Variants in AZIN2 observed in about 807,000 individuals in gnomAD.
AZIN2 encodes the protein antizyme inhibitor 2.
A neutral mutation model predicts 47.8 loss-of-function variants in AZIN2; 28 were observed. The observed-to-expected ratio is 0.59, with a 90% confidence interval of 0.43 to 0.80. The LOEUF (loss-of-function observed/expected upper bound fraction) is 0.80. AZIN2 is among the 30% of genes least tolerant of loss of function. The pLI, the probability that AZIN2 is intolerant of heterozygous loss-of-function variation, is 0.00. For synonymous variants in AZIN2, 221 were observed against 239.4 expected, an observed-to-expected ratio of 0.92 and a Z score of 0.71; for missense variants, 535 against 582.5, an observed-to-expected ratio of 0.92 and a Z score of 0.84.
chr1:33,159,288 TTTATA>T, the AZIN2 span, among the ~76,000 whole-genome samples: 2 of 152,056 alleles, frequency 1.3e-5, no homozygotes, highest in African/African-American at 2.4e-5. This position sits in a 1 kb window ranked among gnomAD's most constrained non-coding sequence, Gnocchi z 4.2. Context: ...ATGTAATATA[TTTATA>T]TTATGATTGT....
chr1:33,161,280 CAG>C, the AZIN2 span, among the ~76,000 whole-genome samples: 1 of 152,128 alleles, frequency 6.6e-6, no homozygotes, highest in Non-Finnish European at 1.5e-5. This position sits in a 1 kb window ranked among gnomAD's most constrained non-coding sequence, Gnocchi z 4.3. Context: ...AGTTGGGGGT[CAG>C]GGGAACAGGC....
chr1:33,090,233 T>C (rs1172702205), intron 5 of AZIN2, among the ~76,000 whole-genome samples: 1 of 152,242 alleles, frequency 6.6e-6, no homozygotes, highest in Non-Finnish European at 1.5e-5. Flanking sequence ...TCGCAAAACC[T>C]AAAATATTTA....
the AZIN2 span, chr1:33,159,828 C>T: frequency 9.9e-6 from 16 of 1,613,590 alleles, no homozygotes; most frequent in East Asian, 2.2e-5. The surrounding 1 kb of genome is among the most constrained non-coding windows in gnomAD (Gnocchi z 4.2). Context: ...TGTCGGTCAG[C>T]GTGCGGGCCG....
At chr1:33,086,681 C>T (rs556862875) in intron 5 of AZIN2, among the ~76,000 whole-genome samples, 23 of 152,356 alleles carry the variant, frequency 1.5e-4, no homozygotes, top group African/African-American at 4.8e-4. Flanking sequence ...TGCTCGGGGA[C>T]TCTGGTCTAC....
the AZIN2 span, among the ~76,000 whole-genome samples, chr1:33,149,930 C>T: frequency 2.6e-5 from 4 of 152,192 alleles, no homozygotes; most frequent in Non-Finnish European, 5.9e-5. Context: ...GGCACATTTC[C>T]GGAAAGACTC....
the AZIN2 span, among the ~76,000 whole-genome samples, chr1:33,138,844 A>G: frequency 1.3e-5 from 2 of 152,138 alleles, no homozygotes; most frequent in African/African-American, 4.8e-5. Context: ...CAATAATTTC[A>G]TTTGTAGGAG....
At chr1:33,155,092 C>G in the AZIN2 span, among the ~76,000 whole-genome samples, 2 of 138,604 alleles carry the variant, frequency 1.4e-5, no homozygotes, top group African/African-American at 5.2e-5. Context: ...GACTCCATCT[C>G]AAAAGGTCTC....
At chr1:33,130,747 T>G in the AZIN2 span, among the ~76,000 whole-genome samples, 1 of 152,228 alleles carries the variant, frequency 6.6e-6, no homozygotes, top group African/African-American at 2.4e-5. Context: ...AATAGATAAC[T>G]AATACAGAGG....
chr1:33,093,498 TC>T, intron 7 of AZIN2, 82 bp downstream of exon 7: 1 of 1,514,742 alleles, frequency 6.6e-7, no homozygotes, highest in Non-Finnish European at 8.9e-7. Context: ...TATGAGACCT[TC>T]CCCAGGGCCT....
intron 10 of AZIN2, among the ~76,000 whole-genome samples, chr1:33,101,308 G>A (rs2124581308): frequency 6.6e-6 from 1 of 152,234 alleles, no homozygotes; most frequent in Middle Eastern, 3.4e-3. Flanking sequence ...CAAAGTGCTG[G>A]GATTACAGGC....
Position 33,098,076 on chromosome 1 carries a change from G to A in AZIN2, c.926G>A (p.Gly309Asp). Residue 309 changes from glycine (G) to aspartate (D), a missense_variant, in exon 10 of 12, where the codon GGT (glycine) becomes GAT (aspartate). By Grantham distance (94) the Gly-to-Asp change is moderately conservative. This residue lies in a region of AZIN2 where 409 missense variants were observed against 429.0 expected (regional missense o/e 0.95). Transcript: ENST00000294517. ...CCCTCCCCTCCTGCAGAGGAAAATG[G>A]TTCCACCTCCAAGACCATCGTGTAC... ...LDQPGREEENGSTSKTIVYHL... is the reference protein window; with the variant it reads ...LDQPGREEENDSTSKTIVYHL... 2 of 1,612,818 alleles carry A rather than the reference G, an allele frequency of 1.2e-6. No individual in the cohort carries two copies. Among genetic ancestry groups the A allele is most frequent in the Non-Finnish European group, 1.7e-6 (2 of 1,178,874 alleles).
At chr1:33,156,850 TTCTTTCACACCTGGATTTGCTAA>T in the AZIN2 span, among the ~76,000 whole-genome samples, 2 of 152,174 alleles carry the variant, frequency 1.3e-5, no homozygotes, top group African/African-American at 4.8e-5. Context: ...CTCGTCTTCT[TTCTTTCACACCTGGATTTGCTAA>T]TCCGCTAGCA....
intron 5 of AZIN2, among the ~76,000 whole-genome samples, chr1:33,089,927 C>T (rs1642346570): frequency 1.3e-5 from 2 of 152,176 alleles, no homozygotes; most frequent in Admixed American, 1.3e-4. Flanking sequence ...GAGAGTCAGA[C>T]TTGAGTTCGA....
At chr1:33,098,241 G>C (rs1363420076) in intron 10 of AZIN2, 62 bp downstream of exon 10, 1 of 1,263,516 alleles carries the variant, frequency 7.9e-7, no homozygotes, top group African/African-American at 1.5e-5. Flanking sequence ...AACATTTGTT[G>C]TGTTTTTATC....
chr1:33,157,059 G>C, the AZIN2 span, among the ~76,000 whole-genome samples: 1 of 150,692 alleles, frequency 6.6e-6, no homozygotes, highest in East Asian at 2.0e-4. Flanking sequence ...CAACCCACTA[G>C]CCAAAGGGAT....
chr1:33,120,994 T>C lies in AZIN2; in HGVS notation c.*812T>C, dbSNP rs1212211865. On this transcript the variant is annotated 3_prime_UTR_variant, in exon 12 of 12. Coordinates refer to ENST00000294517, the MANE Select transcript of AZIN2 (RefSeq NM_052998.4). The stretch of plus-strand genomic sequence containing the variant: ...GACACCTGGTGGTCGCTTTTGCTTC[T>C]TTGGGCAGTGCCTGTTAGAACAGGG... Among the ~76,000 whole-genome samples, 1 of 152,148 alleles carries C rather than the reference T, an allele frequency of 6.6e-6. No homozygotes were observed. Among genetic ancestry groups the C allele is most frequent in the Non-Finnish European group, 1.5e-5 (1 of 68,014 alleles).
intron 10 of AZIN2, among the ~76,000 whole-genome samples, chr1:33,100,285 C>T (rs567971216): frequency 8.0e-5 from 12 of 149,504 alleles, no homozygotes; most frequent in Admixed American, 8.0e-4. Flanking sequence ...TGTGCCATTG[C>T]ACTCCAGCCT....
chr1:33,166,742 A>G, the AZIN2 span, among the ~76,000 whole-genome samples: 1 of 152,182 alleles, frequency 6.6e-6, no homozygotes, highest in African/African-American at 2.4e-5. Flanking sequence ...GAATAACAAC[A>G]AATCCACAAC....
chr1:33,120,312 C>T lies in AZIN2; in HGVS notation c.*130C>T. 1.5e-6 allele frequency: 2 copies of T among 1,302,844 alleles called. No individual in the cohort carries two copies. Among genetic ancestry groups the T allele is most frequent in the South Asian group, 1.4e-5 (1 of 70,422 alleles). The allele number at this position is 1,302,844 out of a possible 1,614,324, so 80.7% of individuals were successfully genotyped here. ...CCCACCCTGCCACCCCCGCGCTCCA[C>T]CTGCAGTGTTTCTGCCCTGTAAATA... On this transcript the variant is annotated 3_prime_UTR_variant, in exon 12 of 12. Transcript: ENST00000294517.
Sources: allele counts gnomAD v4.1 joint callset (sites outside exome capture counted in the v4.1 genomes callset), GRCh38; gene constraint gnomAD v4.1.1; regional missense constraint gnomAD v4.1.1; non-coding constraint Gnocchi (gnomAD v3.1); transcripts MANE v1.5; gene names NCBI Gene and HGNC (gene_info 2026-07-23, HGNC 2026-07-21).